RYR3: variants seen among roughly 807,000 people sequenced by gnomAD.
The protein encoded by RYR3 is brain ryanodine receptor-calcium release channel.
Under a neutral mutation model 584.3 loss-of-function variants are expected in RYR3, and 207 were observed. That is an observed-to-expected ratio of 0.35 (90% CI 0.32 to 0.40). The LOEUF (loss-of-function observed/expected upper bound fraction) is 0.40, where lower values mean the gene tolerates loss of function less well. RYR3 is among the 10% of genes least tolerant of loss of function. The pLI, the probability that RYR3 is intolerant of heterozygous loss-of-function variation, is 1.00. For missense variants in RYR3, 5,616 were observed against 6,089.2 expected (o/e 0.92, Z 2.59); for synonymous variants, 2,416 against 2,248.5 (o/e 1.07, Z -2.11).
intron 81 of RYR3, among the ~76,000 whole-genome samples, chr15:33,823,976 A>G (rs1468587625): frequency 1.3e-5 from 2 of 152,164 alleles, no homozygotes; most frequent in African/African-American, 4.8e-5. Context: ...TAGGGAGCAT[A>G]CGTGAGCTGC....
intron 38 of RYR3, among the ~76,000 whole-genome samples, chr15:33,678,400 A>G (rs1477611834): frequency 6.6e-6 from 1 of 152,162 alleles, no homozygotes; most frequent in Non-Finnish European, 1.5e-5. Context: ...CTCTGCCATG[A>G]TAAGATGTGC....
At chr15:33,356,129 G>A (rs1279433188) in intron 1 of RYR3, among the ~76,000 whole-genome samples, 4 of 152,114 alleles carry the variant, frequency 2.6e-5, no homozygotes, top group Admixed American at 6.6e-5. Context: ...TCTAAGTGAA[G>A]GAGCAGCATG....
chr15:33,707,608 T>C (rs528230742), intron 43 of RYR3, among the ~76,000 whole-genome samples: 2 of 152,356 alleles, frequency 1.3e-5, no homozygotes, highest in Admixed American at 6.5e-5. Context: ...TGGAATAATA[T>C]GCTGAATATT....
chr15:33,417,961 A>C (rs977454241), intron 1 of RYR3, among the ~76,000 whole-genome samples: 1 of 151,988 alleles, frequency 6.6e-6, no homozygotes, highest in African/African-American at 2.4e-5. Context: ...TTTTAATTCT[A>C]CTTATGTGGT....
At position 33,768,350 on chromosome 15, in the gene RYR3, A is replaced by G. The variant is rs567448407; in HGVS notation, c.8706-308A>G. 5.9e-5 allele frequency among the ~76,000 whole-genome samples: 9 copies of G among 152,322 alleles called. No homozygotes were observed. In the East Asian group the frequency reaches 1.7e-3, roughly 29 times the overall value. Reference sequence around the variant, plus strand: ...GTCACACAAATGAACGTTTCAGTACATGGTACTCTATAGCAAAGTATACTT... The same window carrying G: ...GTCACACAAATGAACGTTTCAGTACGTGGTACTCTATAGCAAAGTATACTT... On this transcript the variant is annotated intron_variant, in intron 60 of 103. Coordinates refer to ENST00000634891, the MANE Select transcript of RYR3 (RefSeq NM_001036.6).
chr15:33,765,477 A>G (rs2072939904), intron 60 of RYR3, among the ~76,000 whole-genome samples: 1 of 151,882 alleles, frequency 6.6e-6, no homozygotes, highest in Non-Finnish European at 1.5e-5. Flanking sequence ...TACTAAAAAT[A>G]CAAAAGTTAG....
chr15:33,738,434 G>T lies in RYR3; in HGVS notation c.7516-16G>T, dbSNP rs1360756177. On this transcript the variant is annotated splice_polypyrimidine_tract_variant and intron_variant, in intron 49 of 103. Coordinates refer to ENST00000634891, the MANE Select transcript of RYR3 (RefSeq NM_001036.6). Reference sequence around the variant, plus strand: ...CTATGCCACCCCGCTGGTCTGTCCTGTTCTGCACCTCCCAGCTTCTGACGA... The same window carrying T: ...CTATGCCACCCCGCTGGTCTGTCCTTTTCTGCACCTCCCAGCTTCTGACGA... 6.2e-7 allele frequency: 1 copy of T among 1,608,222 alleles called. No homozygotes were observed. Among genetic ancestry groups the T allele is most frequent in the Admixed American group, 1.7e-5 (1 of 59,052 alleles).
chr15:33,358,190 G>A (rs142108387), intron 1 of RYR3, among the ~76,000 whole-genome samples: 1 of 152,292 alleles, frequency 6.6e-6, no homozygotes, highest in East Asian at 1.9e-4. Flanking sequence ...GGTAAAGTGA[G>A]GATAATAATG....
At chr15:33,376,636 G>A (rs1034771375) in intron 1 of RYR3, among the ~76,000 whole-genome samples, 5 of 152,228 alleles carry the variant, frequency 3.3e-5, no homozygotes, top group African/African-American at 1.2e-4. Context: ...ACTTGCAGCG[G>A]CGGGAATGGG....
chr15:33,346,389 C>G (rs1595795267), intron 1 of RYR3, among the ~76,000 whole-genome samples: 1 of 152,178 alleles, frequency 6.6e-6, no homozygotes, highest in Non-Finnish European at 1.5e-5. Flanking sequence ...GAGGAAAATT[C>G]TCTTCTCCTT....
intron 45 of RYR3, among the ~76,000 whole-genome samples, chr15:33,725,198 CACACATAT>C (rs1288313039): frequency 4.0e-5 from 5 of 125,058 alleles, no homozygotes; most frequent in African/African-American, 1.3e-4. Flanking sequence ...CACACACACA[CACACATAT>C]ATACATCCCT....
In RYR3 at chr15:33,738,608, T is replaced by C. The variant is rs2069747874; in HGVS notation, c.7656+18T>C. 1.2e-6 allele frequency: 2 copies of C among 1,612,490 alleles called. No individual in the cohort carries two copies. The highest frequency in any genetic ancestry group is 1.7e-6 in the Non-Finnish European group (2 of 1,179,330). On this transcript the variant is annotated intron_variant, in intron 50 of 103. Coordinates refer to ENST00000634891, the MANE Select transcript of RYR3 (RefSeq NM_001036.6). ...CCCATAAGGTAATGACAGTACTTTC[T>C]GAACAAAAAGAGAGCATCTCAGTGC... is the stretch of plus-strand genomic sequence containing the variant.
intron 43 of RYR3, among the ~76,000 whole-genome samples, chr15:33,714,497 C>G (rs16957769): frequency 0.031 from 4,652 of 152,146 alleles, 227 homozygotes; most frequent in African/African-American, 0.11. Context: ...CTATTTTCCC[C>G]GCAGTTGCAG....
chr15:33,437,953 C>T (rs116088622), intron 1 of RYR3, among the ~76,000 whole-genome samples: 1,678 of 152,178 alleles, frequency 0.011, 13 homozygotes, highest in Middle Eastern at 0.031. Flanking sequence ...GAACTCCTGG[C>T]GTCAGCATTC....
intron 10 of RYR3, among the ~76,000 whole-genome samples, chr15:33,556,909 C>G (rs2057104358): frequency 6.6e-6 from 1 of 151,972 alleles, no homozygotes; most frequent in Admixed American, 6.6e-5. Context: ...CCTTGCTGTG[C>G]TTGTTGATTT....
intron 16 of RYR3, among the ~76,000 whole-genome samples, chr15:33,591,826 C>T (rs1191432629): frequency 6.6e-6 from 1 of 152,132 alleles, no homozygotes; most frequent in East Asian, 1.9e-4. Context: ...CCTGGAGGGG[C>T]TGAATAGCAG....
rs773625582 is a variant in RYR3, at chr15:33,859,598, G to T, written c.14166G>T (p.Val4722=). 1 of 1,614,002 alleles carries T rather than the reference G, an allele frequency of 6.2e-7. No homozygotes were observed. The highest frequency in any genetic ancestry group is 8.5e-7 in the Non-Finnish European group (1 of 1,179,890). The change falls in exon 100 of 104, where the codon GTG becomes GTT. Residue 4722 remains valine (V), a synonymous_variant. Coordinates refer to ENST00000634891, the MANE Select transcript of RYR3 (RefSeq NM_001036.6). ...MMTCYLFHMY[V]GVRAGGGIGD... ...AGTGTTACCTTTTCCACATGTACGT[G>T]GGAGTGAGAGCAGGAGGTGGCATTG... is the stretch of plus-strand genomic sequence containing the variant.
intron 75 of RYR3, 124 bp downstream of exon 75, chr15:33,817,082 A>C: frequency 1.7e-6 from 1 of 597,330 alleles, no homozygotes; most frequent in Non-Finnish European, 3.0e-6. Context: ...AAAAGCACTA[A>C]CTGTGTAAGT....
rs1348322705 is a variant in RYR3, at chr15:33,780,339, C to T, written c.9266C>T (p.Ser3089Phe). Residue 3089 changes from serine (S) to phenylalanine (F), a missense_variant and splice_region_variant, in exon 65 of 104, where the codon TCT (serine) becomes TTT (phenylalanine). Physicochemically the swap from Ser to Phe is radical, Grantham distance 155. This residue lies in a region of RYR3 where 954 missense variants were observed against 1,132.2 expected (regional missense o/e 0.84). Transcript: ENST00000634891. The stretch of plus-strand genomic sequence containing the variant: ...AACACCAAAACCCCCAGGGAGAGGT[C>T]TAGTAAGTATCTCCCCTCAAAGGTC... ...VFNTKTPRER[S>F]ILGMPDTVED... The T allele has an allele frequency of 4.3e-6, 7 of 1,613,578 alleles. No homozygotes were observed. In the Admixed American group the frequency reaches 1.2e-4, roughly 27 times the overall value.
Sources: allele counts gnomAD v4.1 joint callset (sites outside exome capture counted in the v4.1 genomes callset), GRCh38; gene constraint gnomAD v4.1.1; regional missense constraint gnomAD v4.1.1; transcripts MANE v1.5; gene names NCBI Gene and HGNC (gene_info 2026-07-23, HGNC 2026-07-21).